FUT9: variants seen among roughly 807,000 people sequenced by gnomAD.
FUT9 encodes 4-galactosyl-N-acetylglucosaminide 3-alpha-L-fucosyltransferase 9.
Under a neutral mutation model 29.7 loss-of-function variants are expected in FUT9, and 15 were observed. That is an observed-to-expected ratio of 0.51 (90% CI 0.34 to 0.78). The LOEUF is 0.78. FUT9 is among the 30% of genes least tolerant of loss of function. The pLI is 0.01. For missense variants in FUT9, 319 were observed against 425.4 expected (o/e 0.75, Z 2.20); for synonymous variants, 169 against 153.7 (o/e 1.10, Z -0.74).
chr6:96,153,191 C>A (rs766364032), intron 2 of FUT9, among the ~76,000 whole-genome samples: 3 of 152,102 alleles, frequency 2.0e-5, no homozygotes, highest in Non-Finnish European at 4.4e-5. Context: ...TTTTAAGAAT[C>A]CAAATTTGGT....
At chr6:96,113,829 G>A (rs978858299) in intron 1 of FUT9, among the ~76,000 whole-genome samples, 2 of 145,148 alleles carry the variant, frequency 1.4e-5, no homozygotes, top group African/African-American at 5.1e-5. Flanking sequence ...ACTCCAGCCT[G>A]GGCCACAGAG....
rs966439802 is a variant in FUT9 at position 96,052,793 on chromosome 6, A to AT, written c.-98+36583dup. On this transcript the variant is annotated intron_variant, in intron 1 of 2. Transcript: ENST00000302103. ...TACTAATCAAGATACTTTTTGAAAC[A>AT]TTAAGAAAAAAAATCTGAAAAAAAA... Among the ~76,000 whole-genome samples, 145 of 152,278 alleles carry AT rather than the reference A, an allele frequency of 9.5e-4. 1 individual carries two copies. Among genetic ancestry groups the AT allele is most frequent in the African/African-American group, 3.4e-3 (141 of 41,540 alleles).
At chr6:96,161,351 G>A (rs933452662) in intron 2 of FUT9, among the ~76,000 whole-genome samples, 10 of 152,156 alleles carry the variant, frequency 6.6e-5, no homozygotes, top group East Asian at 3.9e-4. Context: ...AGGAACAGGC[G>A]CTCCTCAGAC....
chr6:96,128,699 G>A (rs773414522), intron 2 of FUT9, among the ~76,000 whole-genome samples: 1 of 151,980 alleles, frequency 6.6e-6, no homozygotes, highest in Non-Finnish European at 1.5e-5. Flanking sequence ...AATTTAGAAT[G>A]ACAAAGTATT....
chr6:96,092,944 A>AAATCAT (rs982305966), intron 1 of FUT9, among the ~76,000 whole-genome samples: 11 of 151,918 alleles, frequency 7.2e-5, no homozygotes, highest in Admixed American at 5.3e-4. Context: ...AATTTTAAAA[A>AAATCAT]AATCATAGAG....
rs1773781278 is a variant in FUT9 at position 96,204,105 on chromosome 6, A to C, written c.950A>C (p.Asn317Thr). ...AATAAGTTATACCTTAGTTACTTTA[A>C]CTGGAGGAAGGATTTCACTGTAAAT... ...KNNKLYLSYF[N>T]WRKDFTVNLP... The change falls in exon 3 of 3, where the codon AAC (asparagine) becomes ACC (threonine). Residue 317 changes from asparagine to threonine, a missense_variant. Physicochemically the swap from Asn to Thr is moderately conservative, Grantham distance 65. Coordinates refer to ENST00000302103, the MANE Select transcript of FUT9 (RefSeq NM_006581.4). The C allele has an allele frequency of 6.0e-6, 9 of 1,508,394 alleles. No individual in the cohort carries two copies. The highest frequency in any genetic ancestry group is 8.0e-6 in the Non-Finnish European group (9 of 1,129,148). 93.4% of individuals were successfully genotyped at this position (1,508,394 alleles called of 1,614,324 possible). A position where few individuals can be genotyped will look rare whatever the true frequency, so the allele number is the denominator to read the frequency against.
intron 1 of FUT9, among the ~76,000 whole-genome samples, chr6:96,041,826 C>A (rs1020257608): frequency 1.3e-5 from 2 of 152,218 alleles, no homozygotes; most frequent in South Asian, 2.1e-4. Context: ...CGGCCTAAAC[C>A]TTTTATGGAA....
At chr6:96,078,405 CTTCTTTTTT>C (rs1771175617) in intron 1 of FUT9, among the ~76,000 whole-genome samples, 1 of 45,194 alleles carries the variant, frequency 2.2e-5, no homozygotes, top group Non-Finnish European at 4.3e-5. Context: ...TCATATTAGT[CTTCTTTTTT>C]TTTTTTTTTT....
intron 2 of FUT9, among the ~76,000 whole-genome samples, chr6:96,117,768 TTTG>T (rs1206470960): frequency 6.6e-6 from 1 of 152,238 alleles, no homozygotes; most frequent in Non-Finnish European, 1.5e-5. Flanking sequence ...TGTTAAATTA[TTTG>T]TTTTCAATTT....
intron 2 of FUT9, among the ~76,000 whole-genome samples, chr6:96,198,274 C>A (rs1465596502): frequency 6.7e-6 from 1 of 150,344 alleles, no homozygotes; most frequent in Admixed American, 6.6e-5. Context: ...CACCTCCCCC[C>A]ACCCCACAAC....
At chr6:96,179,644 G>C (rs183972131) in intron 2 of FUT9, among the ~76,000 whole-genome samples, 1 of 152,028 alleles carries the variant, frequency 6.6e-6, no homozygotes, top group Admixed American at 6.6e-5. Flanking sequence ...GCAAAGTTTT[G>C]GTTAAGTTAC....
chr6:96,215,523 C>A lies in FUT9; in HGVS notation c.*11288C>A. ...TCGCTGATTTAGCACTGGAGTTATT[C>A]CTTGAATGTGTAAATAATGATGTTC... On this transcript the variant is annotated 3_prime_UTR_variant, in exon 3 of 3. Transcript: ENST00000302103. 1 of 166,654 alleles carries A rather than the reference C, an allele frequency of 6.0e-6. No homozygotes were observed. The allele number at this position is 166,654 out of a possible 1,614,324, so 10.3% of individuals were successfully genotyped here.
intron 2 of FUT9, among the ~76,000 whole-genome samples, chr6:96,168,405 C>T (rs868461004): frequency 5.3e-5 from 8 of 151,978 alleles, no homozygotes; most frequent in African/African-American, 7.3e-5. Flanking sequence ...TTACCAAGAA[C>T]GGAGCAGAGA....
chr6:96,152,777 G>A (rs1772701679), intron 2 of FUT9, among the ~76,000 whole-genome samples: 1 of 152,100 alleles, frequency 6.6e-6, no homozygotes, highest in South Asian at 2.1e-4. Context: ...AATTTAATAC[G>A]ATTGACCATT....
intron 2 of FUT9, among the ~76,000 whole-genome samples, chr6:96,117,414 C>T (rs568190640): frequency 6.6e-6 from 1 of 152,262 alleles, no homozygotes; most frequent in Non-Finnish European, 1.5e-5. Flanking sequence ...AGAAATGGGT[C>T]TACACACATA....
chr6:96,157,456 G>T (rs1310644853), intron 2 of FUT9, among the ~76,000 whole-genome samples: 3 of 152,120 alleles, frequency 2.0e-5, no homozygotes, highest in Admixed American at 6.5e-5. Context: ...ATGAGTTGAG[G>T]AATGTACACT....
chr6:96,131,330 T>C (rs1300708674), intron 2 of FUT9, among the ~76,000 whole-genome samples: 1 of 152,070 alleles, frequency 6.6e-6, no homozygotes, highest in African/African-American at 2.4e-5. Context: ...ATTTTTCTCA[T>C]TTTCAACTTA....
intron 2 of FUT9, among the ~76,000 whole-genome samples, chr6:96,168,258 T>G (rs759537852): frequency 1.3e-5 from 2 of 152,098 alleles, no homozygotes; most frequent in Non-Finnish European, 2.9e-5. Context: ...CATATATGAG[T>G]CTAGAGTTCA....
At chr6:96,056,900 A>G (rs978503680) in intron 1 of FUT9, among the ~76,000 whole-genome samples, 1 of 152,202 alleles carries the variant, frequency 6.6e-6, no homozygotes, top group African/African-American at 2.4e-5. Context: ...GCATAAAGGC[A>G]CATGCATTCA....
Sources: allele counts gnomAD v4.1 joint callset (sites outside exome capture counted in the v4.1 genomes callset), GRCh38; gene constraint gnomAD v4.1.1; transcripts MANE v1.5; gene names NCBI Gene and HGNC (gene_info 2026-07-23, HGNC 2026-07-21).